Variants in SNTG1 observed in about 807,000 individuals in gnomAD.
The protein encoded by SNTG1 is gamma-1-syntrophin.
In SNTG1, 39 loss-of-function variants were observed where a neutral mutation model predicts 74.7. The ratio of observed to expected loss-of-function variants is 0.52; its 90% CI spans 0.40 to 0.68. The LOEUF is 0.68. SNTG1 is among the 30% of genes least tolerant of loss of function. The pLI is 0.00. For synonymous variants in SNTG1, 254 were observed against 217.1 expected, an observed-to-expected ratio of 1.17 and a Z score of -1.49; for missense variants, 685 against 609.5, an observed-to-expected ratio of 1.12 and a Z score of -1.30.
intron 1 of SNTG1, among the ~76,000 whole-genome samples, chr8:50,069,477 G>A (rs1444890674): frequency 1.3e-5 from 2 of 151,468 alleles, no homozygotes; most frequent in Non-Finnish European, 2.9e-5. Flanking sequence ...ATAAAAATTG[G>A]TGTTTAAAAT....
At chr8:50,112,917 A>C (rs1381628445) in intron 1 of SNTG1, among the ~76,000 whole-genome samples, 1 of 151,928 alleles carries the variant, frequency 6.6e-6, no homozygotes, top group African/African-American at 2.4e-5. Context: ...GTGGGGTATT[A>C]TTTCTGAGGG....
chr8:49,941,575 G>C (rs956731707), intron 1 of SNTG1, among the ~76,000 whole-genome samples: 2 of 149,980 alleles, frequency 1.3e-5, no homozygotes, highest in Admixed American at 6.7e-5. Context: ...TCTGAAGCTG[G>C]TCATGGAGGC....
chr8:50,792,765 A>T lies in SNTG1; in HGVS notation c.1490A>T (p.Asn497Ile). 2 of 1,612,470 alleles carry T rather than the reference A, an allele frequency of 1.2e-6. No homozygotes were observed. Among genetic ancestry groups the T allele is most frequent in the Non-Finnish European group, 1.7e-6 (2 of 1,178,960 alleles). Residue 497 changes from asparagine to isoleucine, a missense_variant, in exon 19 of 19, where the codon AAT becomes ATT. Coordinates refer to ENST00000642720, the MANE Select transcript of SNTG1 (RefSeq NM_018967.5). Reference protein sequence around the residue: ...VACLDPLFLGNQATASTAASS... With the variant: ...VACLDPLFLGIQATASTAASS... ...TGTTTGGACCCTCTATTTTTAGGCA[A>T]TCAAGCTACTGCTTCTACTGCTGCC...
chr8:50,268,613 T>C (rs1168967790), intron 2 of SNTG1, among the ~76,000 whole-genome samples: 3 of 151,774 alleles, frequency 2.0e-5, no homozygotes, highest in Admixed American at 2.0e-4. Flanking sequence ...CACAATTCAG[T>C]AGAGAACCTA....
intron 1 of SNTG1, among the ~76,000 whole-genome samples, chr8:50,154,108 A>G (rs1425807872): frequency 1.3e-5 from 2 of 151,688 alleles, no homozygotes; most frequent in African/African-American, 4.8e-5. Context: ...AATGGTGGGC[A>G]CCCCTCCCCC....
intron 11 of SNTG1, among the ~76,000 whole-genome samples, chr8:50,546,892 C>T (rs938803637): frequency 6.6e-6 from 1 of 152,092 alleles, no homozygotes; most frequent in Admixed American, 6.6e-5. Flanking sequence ...AACAATTTTC[C>T]TGTCTCAGCC....
intron 2 of SNTG1, among the ~76,000 whole-genome samples, chr8:50,341,011 T>C (rs10283105): frequency 0.065 from 9,929 of 152,004 alleles, 349 homozygotes; most frequent in African/African-American, 0.072. Flanking sequence ...AAATGTGAGA[T>C]AGTTACAAAT....
intron 2 of SNTG1, among the ~76,000 whole-genome samples, chr8:50,297,428 C>A (rs1345375753): frequency 6.6e-6 from 1 of 152,018 alleles, no homozygotes; most frequent in Admixed American, 6.6e-5. Context: ...AATTTTTTTT[C>A]TTTTCCTTAT....
At chr8:49,915,294 T>G (rs780140173) in intron 1 of SNTG1, among the ~76,000 whole-genome samples, 2 of 152,156 alleles carry the variant, frequency 1.3e-5, no homozygotes, top group Non-Finnish European at 2.9e-5. Context: ...TTTGAGAGTG[T>G]TTTGGAAACA....
intron 13 of SNTG1, among the ~76,000 whole-genome samples, chr8:50,638,484 A>G (rs1306456625): frequency 6.6e-6 from 1 of 152,100 alleles, no homozygotes; most frequent in Non-Finnish European, 1.5e-5. Context: ...TTGAGTGAAA[A>G]ATCAAGAAGT....
intron 1 of SNTG1, among the ~76,000 whole-genome samples, chr8:50,050,688 G>A (rs1819494901): frequency 6.6e-6 from 1 of 151,938 alleles, no homozygotes; most frequent in African/African-American, 2.4e-5. Flanking sequence ...CTCATTCTAT[G>A]AGGACAATAT....
At chr8:50,676,954 C>A (rs2095311874) in intron 15 of SNTG1, among the ~76,000 whole-genome samples, 1 of 151,846 alleles carries the variant, frequency 6.6e-6, no homozygotes, top group African/African-American at 2.4e-5. Context: ...TACACAAAAG[C>A]TATCTAATTC....
intron 17 of SNTG1, among the ~76,000 whole-genome samples, chr8:50,748,077 A>G (rs188779399): frequency 2.1e-4 from 32 of 152,134 alleles, no homozygotes; most frequent in African/African-American, 7.0e-4. Flanking sequence ...TGGCATTGTT[A>G]CCACTCACCA....
chr8:50,646,276 C>G (rs1338169358), intron 13 of SNTG1, among the ~76,000 whole-genome samples: 1 of 152,176 alleles, frequency 6.6e-6, no homozygotes, highest in Non-Finnish European at 1.5e-5. Flanking sequence ...CTTGAGGCAG[C>G]ATCTCTGTCC....
chr8:50,365,311 A>C (rs1486064438), intron 2 of SNTG1, among the ~76,000 whole-genome samples: 1 of 152,164 alleles, frequency 6.6e-6, no homozygotes, highest in Non-Finnish European at 1.5e-5. Flanking sequence ...AATTACTGAA[A>C]TAGACCTCTA....
At chr8:50,104,462 A>C (rs554395305) in intron 1 of SNTG1, among the ~76,000 whole-genome samples, 1 of 151,382 alleles carries the variant, frequency 6.6e-6, no homozygotes, top group East Asian at 1.9e-4. Context: ...TTTCTTCTTT[A>C]TTAGTCTTGC....
At chr8:49,910,850 C>T (rs1285339765), upstream of SNTG1, 1 of 152,332 alleles carries the variant, frequency 6.6e-6, no homozygotes, top group Non-Finnish European at 1.5e-5. Context: ...CCTTCTTTAT[C>T]CCGTCCTTTG....
chr8:50,420,296 C>T (rs2093066267), intron 4 of SNTG1, among the ~76,000 whole-genome samples: 1 of 151,958 alleles, frequency 6.6e-6, no homozygotes, highest in Non-Finnish European at 1.5e-5. Context: ...GGAATAACAG[C>T]AATAGGAAGA....
At chr8:50,485,284 G>T (rs957563967) in intron 8 of SNTG1, among the ~76,000 whole-genome samples, 1 of 152,166 alleles carries the variant, frequency 6.6e-6, no homozygotes, top group Non-Finnish European at 1.5e-5. Flanking sequence ...CCACATTTCA[G>T]TGATGTCAGT....
Sources: gnomAD v4.1 joint callset for allele counts (sites outside exome capture counted in the v4.1 genomes callset) on GRCh38, gnomAD v4.1.1 for gene constraint, MANE v1.5 for transcripts, NCBI Gene and HGNC (gene_info 2026-07-23, HGNC 2026-07-21) for gene names.